SLC25A48: variants seen among roughly 807,000 people sequenced by gnomAD.
SLC25A48 encodes the protein solute carrier family 25 member 48, also known as CTC-321K16.1.
Under a neutral mutation model 32.2 loss-of-function variants are expected in SLC25A48, and 29 were observed. That is an observed-to-expected ratio of 0.90 (90% CI 0.67 to 1.23). The LOEUF is 1.23. Among genes scored for constraint, SLC25A48 ranks in the 50% most tolerant of loss-of-function variants. The pLI is 0.00. For missense variants in SLC25A48, 399 were observed against 422.7 expected (o/e 0.94, Z 0.49); for synonymous variants, 164 against 172.3 (o/e 0.95, Z 0.38).
At chr5:135,735,738 G>C (rs138195128) in intron 3 of SLC25A48, among the ~76,000 whole-genome samples, 1 of 152,214 alleles carries the variant, frequency 6.6e-6, no homozygotes, top group African/African-American at 2.4e-5. Context: ...AATCTGGGGA[G>C]AGGGTAGAAG....
chr5:135,871,833 C>T (rs1448113091), intron 5 of SLC25A48, 115 bp downstream of exon 5: 4 of 1,542,784 alleles, frequency 2.6e-6, no homozygotes, highest in African/African-American at 2.7e-5. Flanking sequence ...TTTAGGTACT[C>T]ACCCAACAAT....
At chr5:135,848,923 G>C (rs1759617787) in intron 2 of SLC25A48, among the ~76,000 whole-genome samples, 1 of 152,250 alleles carries the variant, frequency 6.6e-6, no homozygotes, top group African/African-American at 2.4e-5. Context: ...CTCAGGAGAG[G>C]AGTAGGGTGA....
At chr5:135,750,238 T>C (rs1755737143) in intron 3 of SLC25A48, among the ~76,000 whole-genome samples, 1 of 152,210 alleles carries the variant, frequency 6.6e-6, no homozygotes, top group South Asian at 2.1e-4. Context: ...TTCTCCATTT[T>C]CATCAGTTAT....
chr5:135,756,433 C>T lies in SLC25A48; in HGVS notation c.-520-56090C>T, dbSNP rs62365683. On this transcript the variant is annotated intron_variant, in intron 3 of 10. Transcript: ENST00000646290. ...TGTGTGGTGGCTCATGCCTGTGATC[C>T]CAGGCCAAGGTGGGTGGATCACCTG... Among the ~76,000 whole-genome samples, 953 of 151,868 alleles carry T rather than the reference C, an allele frequency of 6.3e-3. 5 individuals carry two copies. Among genetic ancestry groups the T allele is most frequent in the Middle Eastern group, 0.014 (4 of 294 alleles).
intron 6 of SLC25A48, 127 bp from the exon 7 acceptor site, chr5:135,879,841 G>C: frequency 1.5e-6 from 2 of 1,343,688 alleles, no homozygotes; most frequent in South Asian, 1.5e-5. Context: ...GCCTGCACAG[G>C]TCCTTTGGGC....
chr5:135,768,363 G>A (rs1211220208), intron 3 of SLC25A48, among the ~76,000 whole-genome samples: 3 of 151,312 alleles, frequency 2.0e-5, no homozygotes, highest in Non-Finnish European at 4.4e-5. Flanking sequence ...TTGTGATACT[G>A]TTCACAATAT....
intron 3 of SLC25A48, among the ~76,000 whole-genome samples, chr5:135,694,549 C>T (rs1393184535): frequency 2.0e-5 from 3 of 152,098 alleles, no homozygotes; most frequent in South Asian, 2.1e-4. Context: ...TCATTAGCCA[C>T]GTGGAAGCCA....
intron 1 of SLC25A48, among the ~76,000 whole-genome samples, chr5:135,608,043 C>CA (rs5871567): frequency 1 from 152,355 of 152,356 alleles, 76,177 homozygotes; most frequent in Middle Eastern, 1. Context: ...TAAATAAATG[C>CA]AAGCAGTTGA....
rs186118314 is a variant in SLC25A48 at position 135,629,901 on chromosome 5, C to T, written c.-709+525C>T. 3.9e-4 allele frequency among the ~76,000 whole-genome samples: 60 copies of T among 152,252 alleles called. No individual in the cohort carries two copies. Among genetic ancestry groups the T allele is most frequent in the Non-Finnish European group, 4.4e-4 (30 of 68,016 alleles). On this transcript the variant is annotated intron_variant, in intron 2 of 10. Coordinates refer to the SLC25A48 transcript ENST00000646290. This position sits in a 1 kb window ranked among gnomAD's most constrained non-coding sequence, Gnocchi z 4.8. ...GCCGAAAGTAGTTGGAAGTCACAGG[C>T]ATGACATGAGAATGAGGAGGAGAAA...
intron 3 of SLC25A48, among the ~76,000 whole-genome samples, chr5:135,651,475 T>G (rs903930475): frequency 3.9e-5 from 6 of 152,176 alleles, no homozygotes; most frequent in African/African-American, 1.4e-4. Context: ...TACCAGCAAG[T>G]CATCTGCCTT....
At chr5:135,703,893 C>G (rs1201662899) in intron 3 of SLC25A48, among the ~76,000 whole-genome samples, 1 of 152,212 alleles carries the variant, frequency 6.6e-6, no homozygotes, top group Non-Finnish European at 1.5e-5. Context: ...CCCTTAAGAT[C>G]TGGGGGGAAA....
intron 5 of SLC25A48, 96 bp from the exon 6 acceptor site, chr5:135,873,925 C>A: frequency 7.5e-7 from 1 of 1,327,738 alleles, no homozygotes; most frequent in Non-Finnish European, 9.9e-7. Flanking sequence ...CTTCTCCCAG[C>A]TTAATGAATC....
At chr5:135,688,319 T>G (rs1445396638) in intron 3 of SLC25A48, among the ~76,000 whole-genome samples, 1 of 152,230 alleles carries the variant, frequency 6.6e-6, no homozygotes, top group Non-Finnish European at 1.5e-5. Context: ...TCAGGCTTTT[T>G]TTTTTAACAG....
chr5:135,608,452 T>G (rs1291054548), intron 1 of SLC25A48, among the ~76,000 whole-genome samples: 1 of 152,196 alleles, frequency 6.6e-6, no homozygotes, highest in Non-Finnish European at 1.5e-5. Flanking sequence ...TTTCTCTCCA[T>G]GAGCAATGAC....
chr5:135,816,832 A>T (rs996081007), intron 4 of SLC25A48, among the ~76,000 whole-genome samples: 2 of 152,202 alleles, frequency 1.3e-5, no homozygotes, highest in Non-Finnish European at 2.9e-5. Flanking sequence ...GTGAGCCCTA[A>T]AATTACCTCA....
chr5:135,698,388 A>G (rs893191545), intron 3 of SLC25A48, among the ~76,000 whole-genome samples: 9 of 152,232 alleles, frequency 5.9e-5, no homozygotes, highest in Admixed American at 4.6e-4. Flanking sequence ...CAGCAGAACT[A>G]TGTGGCTGGG....
intron 3 of SLC25A48, among the ~76,000 whole-genome samples, chr5:135,707,364 C>T (rs1027651837): frequency 1.3e-5 from 2 of 152,206 alleles, no homozygotes; most frequent in Non-Finnish European, 1.5e-5. Context: ...ATTTCTTCTG[C>T]TCCACTCAGA....
At chr5:135,885,374 C>T (rs1480149469) in intron 7 of SLC25A48, among the ~76,000 whole-genome samples, 1 of 152,208 alleles carries the variant, frequency 6.6e-6, no homozygotes, top group Non-Finnish European at 1.5e-5. Context: ...CCAGGCTTCC[C>T]TGCCTCTATG....
intron 3 of SLC25A48, among the ~76,000 whole-genome samples, chr5:135,752,037 A>T (rs1449277733): frequency 6.6e-6 from 1 of 152,216 alleles, no homozygotes; most frequent in African/African-American, 2.4e-5. Flanking sequence ...CTCCAAATGG[A>T]TCAGAGACCT....
Sources: allele counts gnomAD v4.1 joint callset (sites outside exome capture counted in the v4.1 genomes callset), GRCh38; gene constraint gnomAD v4.1.1; non-coding constraint Gnocchi (gnomAD v3.1); transcripts MANE v1.5; gene names NCBI Gene and HGNC (gene_info 2026-07-23, HGNC 2026-07-21).